ATE1: variants seen among roughly 807,000 people sequenced by gnomAD.
ATE1 encodes the protein arginyl-tRNA--protein transferase 1.
A neutral mutation model predicts 70.5 loss-of-function variants in ATE1; 36 were observed. That is an observed-to-expected ratio of 0.51 (90% CI 0.39 to 0.67). The LOEUF (loss-of-function observed/expected upper bound fraction) is 0.67, where lower values mean the gene tolerates loss of function less well. Among genes scored for constraint, ATE1 ranks in the 30% least tolerant of loss-of-function variants. ATE1 has a pLI of 0.00. For missense variants in ATE1, 593 were observed against 629.5 expected (o/e 0.94, Z 0.62); for synonymous variants, 232 against 219.3 (o/e 1.06, Z -0.51).
At chr10:121,798,065 A>C (rs971847496) in intron 10 of ATE1, among the ~76,000 whole-genome samples, 1 of 152,292 alleles carries the variant, frequency 6.6e-6, no homozygotes, top group Admixed American at 6.5e-5. Context: ...TTCTACTTCC[A>C]CTTTCTAAAC....
At chr10:121,773,320 T>C (rs1945597751) in intron 11 of ATE1, among the ~76,000 whole-genome samples, 1 of 152,220 alleles carries the variant, frequency 6.6e-6, no homozygotes, top group African/African-American at 2.4e-5. Flanking sequence ...ATTAAAACGC[T>C]CTTCTTGTCA....
chr10:121,879,173 T>C (rs1182912605), intron 7 of ATE1, among the ~76,000 whole-genome samples: 1 of 152,140 alleles, frequency 6.6e-6, no homozygotes, highest in Non-Finnish European at 1.5e-5. Context: ...GATGCCACCA[T>C]GATTTGTGTT....
rs538221504 is a variant in ATE1 at position 121,791,956 on chromosome 10, C to T, written c.1258-1667G>A. ...GCTCTATACCAGGTGCTGTGTGAGT[C>T]ACCATATGAAGCATAGATACAAAAT... On this transcript the variant is annotated intron_variant, in intron 10 of 11. Transcript: ENST00000224652. 2.6e-5 allele frequency among the ~76,000 whole-genome samples: 4 copies of T among 152,286 alleles called. No individual in the cohort carries two copies. In the South Asian group the frequency reaches 8.3e-4, roughly 32 times the overall value.
intron 10 of ATE1, among the ~76,000 whole-genome samples, chr10:121,799,132 A>C (rs889908628): frequency 5.3e-5 from 8 of 152,202 alleles, no homozygotes; most frequent in Non-Finnish European, 1.0e-4. Context: ...TCCGCTTGAC[A>C]TCAAGGAGGA....
At chr10:121,866,755 G>A (rs896035484) in intron 8 of ATE1, among the ~76,000 whole-genome samples, 4 of 151,056 alleles carry the variant, frequency 2.6e-5, no homozygotes, top group East Asian at 3.9e-4. Flanking sequence ...GCTAAGGCAG[G>A]AGAATTGCTT....
intron 8 of ATE1, among the ~76,000 whole-genome samples, chr10:121,859,851 A>C (rs1169591886): frequency 1.3e-5 from 2 of 152,276 alleles, no homozygotes; most frequent in African/African-American, 4.8e-5. Context: ...CTGAGGCAGG[A>C]GAATCGCTTG....
At chr10:121,793,892 T>G (rs774795426) in intron 10 of ATE1, among the ~76,000 whole-genome samples, 37 of 152,176 alleles carry the variant, frequency 2.4e-4, no homozygotes, top group Non-Finnish European at 4.0e-4. Flanking sequence ...ACCCTCACTT[T>G]CAAGGTTATG....
At chr10:121,869,941 T>C in intron 8 of ATE1, 65 bp downstream of exon 8, 1 of 1,428,140 alleles carries the variant, frequency 7.0e-7, no homozygotes, top group Admixed American at 1.7e-5. Flanking sequence ...AAATGCCTAA[T>C]GAAAGATATC....
chr10:121,892,499 C>CTTTT (rs34400277), intron 7 of ATE1, among the ~76,000 whole-genome samples: 1 of 125,582 alleles, frequency 8.0e-6, no homozygotes, highest in Non-Finnish European at 1.7e-5. Context: ...GGTGACAAAA[C>CTTTT]TTTTTTTTTT....
intron 3 of ATE1, among the ~76,000 whole-genome samples, chr10:121,920,692 AT>A (rs921911833): frequency 2.6e-5 from 4 of 152,130 alleles, no homozygotes; most frequent in African/African-American, 7.2e-5. Flanking sequence ...TAAGTTTCCC[AT>A]TTAAGAAAAC....
rs1215837626 is a variant in ATE1 at position 121,743,409 on chromosome 10, A to G, written c.*271T>C. 2 of 416,182 alleles carry G rather than the reference A, an allele frequency of 4.8e-6. No homozygotes were observed. The highest frequency in any genetic ancestry group is 1.0e-4 in the South Asian group (1 of 9,622). The allele number at this position is 416,182 out of a possible 1,614,324, so 25.8% of individuals were successfully genotyped here. On this transcript the variant is annotated 3_prime_UTR_variant, in exon 12 of 12. Coordinates refer to ENST00000224652, the MANE Select transcript of ATE1 (RefSeq NM_001001976.3). ...CATTTTACAAAATACAAACAGGAGA[A>G]TTTGAGCGTATCTTGCTCTAGAAAG... is the stretch of plus-strand genomic sequence containing the variant.
chr10:121,753,348 GA>G (rs1188701868), intron 11 of ATE1, among the ~76,000 whole-genome samples: 1 of 151,772 alleles, frequency 6.6e-6, no homozygotes, highest in South Asian at 2.1e-4. Flanking sequence ...TATTTCAAAG[GA>G]AAAAAATCTA....
At chr10:121,744,533 TCTCC>T (rs1240991510) in intron 11 of ATE1, among the ~76,000 whole-genome samples, 3 of 152,134 alleles carry the variant, frequency 2.0e-5, no homozygotes, top group African/African-American at 7.2e-5. Flanking sequence ...CTGTTTTGCC[TCTCC>T]CTGTACCAAC....
chr10:121,814,514 T>TAC (rs574525259), intron 10 of ATE1, among the ~76,000 whole-genome samples: 83 of 152,322 alleles, frequency 5.4e-4, no homozygotes, highest in Non-Finnish European at 9.7e-4. Flanking sequence ...ATATCCAAGA[T>TAC]ACACATGACT....
At chr10:121,789,106 TA>T (rs1480099125) in intron 11 of ATE1, among the ~76,000 whole-genome samples, 9 of 152,086 alleles carry the variant, frequency 5.9e-5, no homozygotes, top group Non-Finnish European at 2.9e-5. Context: ...AAAACAGTAA[TA>T]GGGGGCTGTT....
intron 9 of ATE1, among the ~76,000 whole-genome samples, chr10:121,839,105 A>C (rs1394068600): frequency 6.6e-6 from 1 of 152,040 alleles, no homozygotes; most frequent in Non-Finnish European, 1.5e-5. Flanking sequence ...AGAGCACCAA[A>C]AGGAAGTGAC....
At chr10:121,862,532 ATTTTTTTTTTTT>A (rs35130703) in intron 8 of ATE1, among the ~76,000 whole-genome samples, 1 of 105,380 alleles carries the variant, frequency 9.5e-6, no homozygotes, top group Admixed American at 1.2e-4. Flanking sequence ...AATTTTTTTA[ATTTTTTTTTTTT>A]TTTTTTTTTT....
intron 8 of ATE1, among the ~76,000 whole-genome samples, chr10:121,858,364 A>C (rs1394395628): frequency 6.6e-6 from 1 of 151,910 alleles, no homozygotes; most frequent in Admixed American, 6.6e-5. Context: ...TTTTATAATA[A>C]CCCACCAAAT....
chr10:121,848,350 C>T (rs1590480527), intron 8 of ATE1, among the ~76,000 whole-genome samples: 1 of 151,998 alleles, frequency 6.6e-6, no homozygotes, highest in South Asian at 2.1e-4. Context: ...GGTGTGGTGG[C>T]TCATGCGTGT....
Sources: gnomAD v4.1 joint callset for allele counts (sites outside exome capture counted in the v4.1 genomes callset) on GRCh38, gnomAD v4.1.1 for gene constraint, MANE v1.5 for transcripts, NCBI Gene and HGNC (gene_info 2026-07-23, HGNC 2026-07-21) for gene names.